The following CLIC5 variants were observed in gnomAD, a reference collection of about 807,000 sequenced individuals.
CLIC5 encodes the protein chloride intracellular channel protein 5.
Under a neutral mutation model 24.7 loss-of-function variants are expected in CLIC5, and 20 were observed. That is an observed-to-expected ratio of 0.81 (90% CI 0.57 to 1.18). The LOEUF (loss-of-function observed/expected upper bound fraction) is 1.18. Among genes scored for constraint, CLIC5 ranks in the 50% most tolerant of loss-of-function variants. CLIC5 has a pLI of 0.00. For missense variants in CLIC5, 341 were observed against 326.1 expected (o/e 1.05, Z -0.35); for synonymous variants, 159 against 135.6 (o/e 1.17, Z -1.20).
At chr6:46,083,672 G>A (rs1035030449), upstream of CLIC5, among the ~76,000 whole-genome samples, 12 of 152,230 alleles carry the variant, frequency 7.9e-5, no homozygotes, top group African/African-American at 2.6e-4. Flanking sequence ...TTTTACTTTT[G>A]CCGAGGAGAG....
At chr6:45,973,996 A>G (rs933960301) in intron 1 of CLIC5, among the ~76,000 whole-genome samples, 1 of 152,164 alleles carries the variant, frequency 6.6e-6, no homozygotes, top group Non-Finnish European at 1.5e-5. Context: ...GTATACAGCT[A>G]TTTAAAAGCA....
At chr6:45,995,257 T>C (rs1437968701) in intron 1 of CLIC5, among the ~76,000 whole-genome samples, 1 of 152,206 alleles carries the variant, frequency 6.6e-6, no homozygotes, top group Non-Finnish European at 1.5e-5. Context: ...CATAGAGTTG[T>C]GGGGATTAAA....
chr6:45,967,906 C>G (rs1186411447), intron 1 of CLIC5, among the ~76,000 whole-genome samples: 4 of 152,116 alleles, frequency 2.6e-5, no homozygotes, highest in African/African-American at 9.7e-5. Context: ...GGAACCAACC[C>G]CATGATCCAA....
At chr6:45,927,556 C>A (rs916163578) in intron 4 of CLIC5, among the ~76,000 whole-genome samples, 3 of 152,194 alleles carry the variant, frequency 2.0e-5, no homozygotes, top group Non-Finnish European at 4.4e-5. Context: ...CTTGCCTCCC[C>A]CCTTCTACCA....
chr6:45,901,579 A>T lies in CLIC5; in HGVS notation c.*1509T>A, dbSNP rs1762512486. 1 of 151,782 alleles carries T rather than the reference A, an allele frequency of 6.6e-6. No homozygotes were observed. Among genetic ancestry groups the T allele is most frequent in the Non-Finnish European group, 1.5e-5 (1 of 67,992 alleles). 9.4% of individuals were successfully genotyped at this position (151,782 alleles called of 1,614,324 possible). A position where few individuals can be genotyped will look rare whatever the true frequency, so the allele number is the denominator to read the frequency against. On this transcript the variant is annotated 3_prime_UTR_variant, in exon 6 of 6. Transcript: ENST00000339561. ...TACCAGCGAACACTATAGAAGGGGG[A>T]TTGTTGAAGGTAAGGGCCTGTGGCA...
chr6:46,122,615 C>A, the CLIC5 span, among the ~76,000 whole-genome samples: 9 of 152,056 alleles, frequency 5.9e-5, no homozygotes, highest in African/African-American at 2.2e-4. Flanking sequence ...ACACAAAAAA[C>A]CCTTCAAAAA....
rs1481234875 is a variant in CLIC5, at chr6:45,902,894, C to T, written c.*194G>A. 4.0e-5 allele frequency: 24 copies of T among 601,322 alleles called. No individual in the cohort carries two copies. The East Asian group carries it at 6.8e-4, about 17-fold the overall frequency. The allele number at this position is 601,322 out of a possible 1,614,324, so 37.2% of individuals were successfully genotyped here. ...CTGTGTCTATCATTTCTGCTAGATTCCTATGTGAGGAGGCCAGGGATGGTG... is the reference window on the plus strand; with the variant it reads ...CTGTGTCTATCATTTCTGCTAGATTTCTATGTGAGGAGGCCAGGGATGGTG... On this transcript the variant is annotated 3_prime_UTR_variant, in exon 6 of 6. Transcript: ENST00000339561.
At chr6:45,946,638 T>C (rs1393714509) in intron 3 of CLIC5, among the ~76,000 whole-genome samples, 1 of 152,142 alleles carries the variant, frequency 6.6e-6, no homozygotes, top group Non-Finnish European at 1.5e-5. Context: ...TCCCAGCCAC[T>C]CCATCTCCCA....
In CLIC5 at chr6:45,947,680, AT is replaced by A. The variant is rs1004534729; in HGVS notation, c.299+1575del. ...CTAAACTCTAGTTATTGAAAACAGC[AT>A]TTTTTTTCATGTGGGATTTCAAATC... On this transcript the variant is annotated intron_variant, in intron 3 of 5. Coordinates refer to ENST00000339561, the MANE Select transcript of CLIC5 (RefSeq NM_016929.5). 2.9e-3 allele frequency among the ~76,000 whole-genome samples: 442 copies of A among 152,016 alleles called. 1 individual carries two copies. The highest frequency in any genetic ancestry group is 0.01 in the African/African-American group (422 of 41,482).
intron 3 of CLIC5, among the ~76,000 whole-genome samples, chr6:45,944,812 A>G (rs1764239323): frequency 6.6e-6 from 1 of 152,184 alleles, no homozygotes; most frequent in Non-Finnish European, 1.5e-5. Context: ...GACGGTCCTG[A>G]TGGAATGGCC....
At chr6:45,921,600 C>T (rs1008392057) in intron 4 of CLIC5, among the ~76,000 whole-genome samples, 8 of 147,538 alleles carry the variant, frequency 5.4e-5, no homozygotes, top group Admixed American at 6.7e-5. Flanking sequence ...AAGAAGACAC[C>T]GAGAGAAAGA....
chr6:46,093,012 T>C, the CLIC5 span, among the ~76,000 whole-genome samples: 1 of 152,160 alleles, frequency 6.6e-6, no homozygotes, highest in East Asian at 1.9e-4. Context: ...CCCAATCCAA[T>C]TCCTGCCTTT....
the CLIC5 span, among the ~76,000 whole-genome samples, chr6:46,090,944 G>A: frequency 6.6e-6 from 1 of 152,122 alleles, no homozygotes; most frequent in South Asian, 2.1e-4. Context: ...GATCAAATAA[G>A]GCAAACAACA....
chr6:45,979,755 C>T (rs1014219582), intron 1 of CLIC5, among the ~76,000 whole-genome samples: 13 of 133,742 alleles, frequency 9.7e-5, no homozygotes, highest in South Asian at 5.0e-4. Flanking sequence ...TACTTATAAA[C>T]CATTACATGA....
intron 5 of CLIC5, among the ~76,000 whole-genome samples, chr6:45,914,003 A>G (rs1170665171): frequency 6.6e-6 from 1 of 152,190 alleles, no homozygotes; most frequent in Non-Finnish European, 1.5e-5. Flanking sequence ...TCTTCCACCA[A>G]CACTTGAAGT....
intron 1 of CLIC5, among the ~76,000 whole-genome samples, chr6:45,956,830 C>T (rs1343619111): frequency 1.3e-5 from 2 of 152,146 alleles, no homozygotes; most frequent in Non-Finnish European, 2.9e-5. Flanking sequence ...TGAGAAAGCA[C>T]GGACTCCGTT....
chr6:46,118,264 TG>T, the CLIC5 span, among the ~76,000 whole-genome samples: 1 of 152,228 alleles, frequency 6.6e-6, no homozygotes, highest in Non-Finnish European at 1.5e-5. Context: ...TGAAACTAAA[TG>T]GTAAACACCT....
chr6:46,045,716 T>A (rs978976390), intron 1 of CLIC5, among the ~76,000 whole-genome samples: 3 of 152,218 alleles, frequency 2.0e-5, no homozygotes, highest in African/African-American at 7.2e-5. Context: ...TAAACAACTA[T>A]ACCTACTTTT....
chr6:45,887,695 G>T (rs1320062879), intron 6 of CLIC5, among the ~76,000 whole-genome samples: 1 of 152,166 alleles, frequency 6.6e-6, no homozygotes, highest in African/African-American at 2.4e-5. Context: ...TCAGCTTAGG[G>T]TTCACCCTCT....
Sources: allele counts gnomAD v4.1 joint callset (sites outside exome capture counted in the v4.1 genomes callset), GRCh38; gene constraint gnomAD v4.1.1; transcripts MANE v1.5; gene names NCBI Gene and HGNC (gene_info 2026-07-23, HGNC 2026-07-21).